The following IL31RA variants were observed in gnomAD, a reference collection of about 807,000 sequenced individuals.
IL31RA encodes the protein interleukin 31 receptor A.
IL31RA carries 66 observed loss-of-function variants against 83.7 expected under a neutral mutation model. The ratio of observed to expected loss-of-function variants is 0.79; its 90% CI spans 0.65 to 0.97. The LOEUF (loss-of-function observed/expected upper bound fraction) is 0.97, where lower values mean the gene tolerates loss of function less well. Ranked by LOEUF, IL31RA falls within the 50% of genes least tolerant of loss-of-function variation. The pLI, the probability that IL31RA is intolerant of heterozygous loss-of-function variation, is 0.00. For synonymous variants in IL31RA, 325 were observed against 329.0 expected (o/e 0.99, Z 0.13); for missense variants, 798 against 919.4 (o/e 0.87, Z 1.71).
At chr5:55,869,846 G>A (rs1299792096) in intron 3 of IL31RA, among the ~76,000 whole-genome samples, 1 of 152,138 alleles carries the variant, frequency 6.6e-6, no homozygotes, top group Non-Finnish European at 1.5e-5. Context: ...CCCATGTTGG[G>A]AAGCATTGTA....
At chr5:55,914,219 C>T (rs756507072) in intron 13 of IL31RA, among the ~76,000 whole-genome samples, 37 of 152,238 alleles carry the variant, frequency 2.4e-4, no homozygotes, top group Non-Finnish European at 4.1e-4. Flanking sequence ...CAAGCAGCTG[C>T]ACTTAGTTAA....
chr5:55,867,087 G>T (rs1388635848), intron 2 of IL31RA, among the ~76,000 whole-genome samples: 2 of 84,222 alleles, frequency 2.4e-5, no homozygotes, highest in Admixed American at 9.7e-5. Context: ...ATGTGTGTTT[G>T]TGTGTGTGTG....
At chr5:55,869,183 A>G (rs375012961) in intron 3 of IL31RA, among the ~76,000 whole-genome samples, 2 of 152,174 alleles carry the variant, frequency 1.3e-5, no homozygotes, top group Non-Finnish European at 2.9e-5. Flanking sequence ...ACTACACTCA[A>G]CTATACCCTG....
chr5:55,840,229 G>A, the IL31RA span, among the ~76,000 whole-genome samples: 2 of 152,150 alleles, frequency 1.3e-5, no homozygotes, highest in Non-Finnish European at 2.9e-5. Flanking sequence ...CAGTCACGCT[G>A]GTAGACTGAA....
Position 55,865,096 on chromosome 5 carries a change from C to G in IL31RA, c.155-3695C>G, listed in dbSNP as rs141742695. Reference sequence around the variant, plus strand: ...ATGAGGTTTGTTAACATTCTGTTTGCTGACCCCAAAAGTCCTCAGGGAGGG... The same window carrying G: ...ATGAGGTTTGTTAACATTCTGTTTGGTGACCCCAAAAGTCCTCAGGGAGGG... On this transcript the variant is annotated intron_variant, in intron 2 of 14. Transcript: ENST00000652347. Among the ~76,000 whole-genome samples, 13 of 152,346 alleles carry G rather than the reference C, an allele frequency of 8.5e-5. No individual in the cohort carries two copies. The East Asian group carries it at 2.5e-3, about 29-fold the overall frequency.
rs1554020968 is a variant in IL31RA at position 55,922,061 on chromosome 5, G to GGA, written c.*4942_*4943insAG. Among the ~76,000 whole-genome samples, 1 of 133,710 alleles carries GGA rather than the reference G, an allele frequency of 7.5e-6. No individual in the cohort carries two copies. The highest frequency in any genetic ancestry group is 3.8e-5 in the African/African-American group (1 of 26,212). 87.7% of individuals were successfully genotyped at this position (133,710 alleles called of 152,430 possible). Reference sequence around the variant, plus strand: ...TGCACTCTTATGTTGTGGCGGGGGGGGGGGGCGGTTCCTGAAGAGTGGAGT... The same window carrying GGA: ...TGCACTCTTATGTTGTGGCGGGGGGGGAGGGGGCGGTTCCTGAAGAGTGGAGT... On this transcript the variant is annotated 3_prime_UTR_variant, in exon 15 of 15. Transcript: ENST00000652347.
Position 55,900,036 on chromosome 5 carries a change from C to T in IL31RA, c.973C>T (p.Leu325=). ...TACTAACCAGCAGCTTGAACTGCAT[C>T]TGGGAGGCGAGAGCTTTTGGGTGTC... ...NTTNQQLELH[L]GGESFWVSMI... is the part of the protein sequence containing the mutation. The change falls in exon 8 of 15, where the codon CTG becomes TTG. Residue 325 remains leucine, a synonymous_variant. Transcript: ENST00000652347. 1 of 1,614,106 alleles carries T rather than the reference C, an allele frequency of 6.2e-7. No homozygotes were observed. Among genetic ancestry groups the T allele is most frequent in the Non-Finnish European group, 8.5e-7 (1 of 1,179,936 alleles).
chr5:55,877,090 T>C (rs955751947), intron 4 of IL31RA, among the ~76,000 whole-genome samples: 1 of 152,226 alleles, frequency 6.6e-6, no homozygotes, highest in Non-Finnish European at 1.5e-5. Flanking sequence ...TTGATTTCTT[T>C]GTGGTGACGT....
At chr5:55,868,744 G>A in intron 2 of IL31RA, 47 bp from the exon 3 acceptor site, 1 of 1,009,776 alleles carries the variant, frequency 9.9e-7, no homozygotes, top group Non-Finnish European at 1.6e-6. Flanking sequence ...TATTTATTGT[G>A]TACTGAAATT....
chr5:55,856,401 G>T (rs1294892855), intron 1 of IL31RA, among the ~76,000 whole-genome samples: 1 of 152,182 alleles, frequency 6.6e-6, no homozygotes, highest in Non-Finnish European at 1.5e-5. Flanking sequence ...ATTCAAAACT[G>T]CTGCATTTCA....
rs1749666714 is a variant in IL31RA, at chr5:55,914,355, C to G, written c.1737-492C>G. Among the ~76,000 whole-genome samples, 5 of 152,308 alleles carry G rather than the reference C, an allele frequency of 3.3e-5. No individual in the cohort carries two copies. In the South Asian group the frequency reaches 1.0e-3, roughly 32 times the overall value. On this transcript the variant is annotated intron_variant, in intron 13 of 14. Coordinates refer to ENST00000652347, the MANE Select transcript of IL31RA (RefSeq NM_139017.7). ...TAGCATGCATCAGAATCAGGCCTCA[C>G]CCCCAAAGTTTCTGATTCAGTGGTT...
At chr5:55,883,928 A>G (rs757710392) in intron 5 of IL31RA, among the ~76,000 whole-genome samples, 4 of 152,340 alleles carry the variant, frequency 2.6e-5, no homozygotes, top group African/African-American at 9.6e-5. Context: ...AGACTTATTC[A>G]TGCTATATAA....
At position 55,851,502 on chromosome 5, in the gene IL31RA, G is replaced by C; in HGVS notation, c.-69G>C. On this transcript the variant is annotated 5_prime_UTR_variant, in exon 1 of 15. Coordinates refer to ENST00000652347, the MANE Select transcript of IL31RA (RefSeq NM_139017.7). ...CATGGCACTAAATAGACCATGAAAAGACATGTGTGTGCAGTATGAAAATTG... is the reference window on the plus strand; with the variant it reads ...CATGGCACTAAATAGACCATGAAAACACATGTGTGTGCAGTATGAAAATTG... The C allele has an allele frequency of 6.2e-7, 1 of 1,613,690 alleles. No homozygotes were observed. Among genetic ancestry groups the C allele is most frequent in the Non-Finnish European group, 8.5e-7 (1 of 1,179,786 alleles).
At chr5:55,843,997 T>A in the IL31RA span, among the ~76,000 whole-genome samples, 4 of 152,174 alleles carry the variant, frequency 2.6e-5, no homozygotes, top group African/African-American at 9.7e-5. Flanking sequence ...AATTTTTTTT[T>A]ACTTTATTTA....
In IL31RA at chr5:55,889,963, C is replaced by T; in HGVS notation, c.607-7C>T. ...CATTTCAGTTTAGGATTGTCTCTGTCTTGTAGATGGAAGTCAACTTCGCTA... is the reference window on the plus strand; with the variant it reads ...CATTTCAGTTTAGGATTGTCTCTGTTTTGTAGATGGAAGTCAACTTCGCTA... On this transcript the variant is annotated splice_polypyrimidine_tract_variant and splice_region_variant and intron_variant, in intron 5 of 14. Transcript: ENST00000652347. 1 of 1,613,866 alleles carries T rather than the reference C, an allele frequency of 6.2e-7. No homozygotes were observed. Among genetic ancestry groups the T allele is most frequent in the Non-Finnish European group, 8.5e-7 (1 of 1,179,742 alleles).
In IL31RA at chr5:55,908,315, G is replaced by T. The variant is rs766390450; in HGVS notation, c.1405G>T (p.Val469Phe). Residue 469 changes from valine (V) to phenylalanine (F), a missense_variant, in exon 11 of 15, where the codon GTC becomes TTC. Coordinates refer to ENST00000652347, the MANE Select transcript of IL31RA (RefSeq NM_139017.7). The part of the protein sequence containing the change: ...TKVENIGVKT[V>F]TITWKEIPKS... ...GGTGGAGAACATTGGCGTGAAGACG[G>T]TCACGATCACATGGAAAGAGATTCC... 81 of 1,614,038 alleles carry T rather than the reference G, an allele frequency of 5.0e-5. No homozygotes were observed. The highest frequency in any genetic ancestry group is 6.7e-5 in the Non-Finnish European group (79 of 1,180,046).
rs1580724938 is a variant in IL31RA at position 55,899,841 on chromosome 5, CCACCGCTTCT to C, written c.853-71_853-62del. 2.4e-5 allele frequency: 24 copies of C among 1,003,480 alleles called. No individual in the cohort carries two copies. The East Asian group carries it at 5.5e-4, about 23-fold the overall frequency. The allele number at this position is 1,003,480 out of a possible 1,614,324, so 62.2% of individuals were successfully genotyped here. A position where few individuals can be genotyped will look rare whatever the true frequency, so the allele number is the denominator to read the frequency against. On this transcript the variant is annotated intron_variant, in intron 7 of 14. Coordinates refer to ENST00000652347, the MANE Select transcript of IL31RA (RefSeq NM_139017.7). ...TTAGCCTTATTCCCCACCCTCACCCCCACCGCTTCTCACTGTCTCAATGCCTTTCTTTTTC... is the reference window on the plus strand; with the variant it reads ...TTAGCCTTATTCCCCACCCTCACCCCCACTGTCTCAATGCCTTTCTTTTTC...
At chr5:55,916,409 T>A (rs978704125) in intron 14 of IL31RA, among the ~76,000 whole-genome samples, 1 of 151,512 alleles carries the variant, frequency 6.6e-6, no homozygotes, top group African/African-American at 2.4e-5. Context: ...TACATATAAA[T>A]AAATAAATTT....
At chr5:55,867,190 T>TGTGTGTGC (rs1746166558) in intron 2 of IL31RA, among the ~76,000 whole-genome samples, 1 of 54,680 alleles carries the variant, frequency 1.8e-5, no homozygotes, top group Non-Finnish European at 4.0e-5. Context: ...CATGTGTGTT[T>TGTGTGTGC]GTGTGTGTTT....
Sources: allele counts gnomAD v4.1 joint callset (sites outside exome capture counted in the v4.1 genomes callset), GRCh38; gene constraint gnomAD v4.1.1; transcripts MANE v1.5; gene names NCBI Gene and HGNC (gene_info 2026-07-23, HGNC 2026-07-21).